Variants in MYH7 observed in about 807,000 individuals in gnomAD.
The protein encoded by MYH7 is myosin heavy chain 7.
MYH7 carries 129 observed loss-of-function variants against 225.4 expected under a neutral mutation model. The observed-to-expected ratio is 0.57, with a 90% confidence interval of 0.50 to 0.66. The LOEUF (loss-of-function observed/expected upper bound fraction) is 0.66, where lower values mean the gene tolerates loss of function less well. MYH7 is among the 30% of genes least tolerant of loss of function. The pLI, the probability that MYH7 is intolerant of heterozygous loss-of-function variation, is 0.00. For synonymous variants in MYH7, 971 were observed against 1,007.6 expected, an observed-to-expected ratio of 0.96 and a Z score of 0.69; for missense variants, 1,649 against 2,517.0, an observed-to-expected ratio of 0.66 and a Z score of 7.38.
intron 22 of MYH7, 93 bp downstream of exon 22, chr14:23,424,676 C>T (rs1892620161): frequency 1.3e-6 from 2 of 1,597,566 alleles, no homozygotes; most frequent in South Asian, 1.1e-5. Context: ...ACTGAAGGAA[C>T]AAGACAGTGA....
chr14:23,413,199 G>A (rs1384916722), intron 39 of MYH7, among the ~76,000 whole-genome samples: 1 of 152,184 alleles, frequency 6.6e-6, no homozygotes, highest in East Asian at 1.9e-4. Context: ...AGCAGTTGGG[G>A]GGAAACTGGG....
At chr14:23,418,430 G>A (rs1444783389) in intron 29 of MYH7, 24 bp from the exon 30 acceptor site, 2 of 1,591,064 alleles carry the variant, frequency 1.3e-6, no homozygotes, top group South Asian at 1.1e-5. Context: ...GGCACCAGGA[G>A]GTGGGTTCAG....
chr14:23,434,234 A>T lies in MYH7; in HGVS notation c.-49T>A. On this transcript the variant is annotated 5_prime_UTR_variant, in exon 2 of 40. Transcript: ENST00000355349. ...GTGTCTACAGATGAGGAAAGGGGCCAAGGCCTGCAGGGGACCTGGAGAGAG... is the reference window on the plus strand; with the variant it reads ...GTGTCTACAGATGAGGAAAGGGGCCTAGGCCTGCAGGGGACCTGGAGAGAG... 9.8e-7 allele frequency: 1 copy of T among 1,016,758 alleles called. No homozygotes were observed. Among genetic ancestry groups the T allele is most frequent in the Middle Eastern group, 5.0e-4 (1 of 1,988 alleles). 63.0% of individuals were successfully genotyped at this position (1,016,758 alleles called of 1,614,324 possible).
intron 6 of MYH7, among the ~76,000 whole-genome samples, 156 bp downstream of exon 6, chr14:23,432,323 G>C (rs1892978520): frequency 6.6e-6 from 1 of 152,188 alleles, no homozygotes; most frequent in Non-Finnish European, 1.5e-5. Context: ...GGAGAGCAAA[G>C]AGAGGGGTCA....
chr14:23,416,359 A>C, intron 33 of MYH7, 47 bp from the exon 34 acceptor site: 3 of 1,589,658 alleles, frequency 1.9e-6, no homozygotes, highest in Non-Finnish European at 2.6e-6. Context: ...GTCAGGGCAC[A>C]GGGCAGGGTG....
chr14:23,416,142 T>C lies in MYH7; in HGVS notation c.4815A>G (p.Thr1605=), dbSNP rs202026847. ...DSLQTSLDAE[T]RSRNEALRVK... ...CCCTCAGGGCCTCGTTGCGGCTGCGTGTCTCTGCGTCCAGGGAGGTCTGCA... is the reference window on the plus strand; with the variant it reads ...CCCTCAGGGCCTCGTTGCGGCTGCGCGTCTCTGCGTCCAGGGAGGTCTGCA... The change falls in exon 34 of 40, where the codon ACA becomes ACG. Residue 1605 remains threonine, a synonymous_variant. Coordinates refer to ENST00000355349, the MANE Select transcript of MYH7 (RefSeq NM_000257.4). 2.5e-6 allele frequency: 4 copies of C among 1,614,066 alleles called. No homozygotes were observed. The South Asian group carries it at 4.4e-5, about 18-fold the overall frequency.
intron 24 of MYH7, among the ~76,000 whole-genome samples, chr14:23,422,779 C>T (rs549368834): frequency 3.9e-5 from 6 of 152,102 alleles, no homozygotes; most frequent in East Asian, 1.9e-4. Context: ...TACAGGCGCA[C>T]GCCACCACAT....
At chr14:23,434,951 CA>C (rs1031728395) in intron 1 of MYH7, among the ~76,000 whole-genome samples, 3 of 152,106 alleles carry the variant, frequency 2.0e-5, no homozygotes, top group African/African-American at 7.2e-5. Context: ...ACCCCAACCC[CA>C]GGGTGCCATA....
At position 23,433,472 on chromosome 14, in the gene MYH7, C is replaced by T; in HGVS notation, c.201+60G>A. 4 of 1,560,580 alleles carry T rather than the reference C, an allele frequency of 2.6e-6. No homozygotes were observed. Among genetic ancestry groups the T allele is most frequent in the Non-Finnish European group, 3.5e-6 (4 of 1,135,950 alleles). Reference sequence around the variant, plus strand: ...GGGCATGGGGCATGGGTGTACCCCTCTCTGTCCACCCAGGTGTACAGGTGG... The same window carrying T: ...GGGCATGGGGCATGGGTGTACCCCTTTCTGTCCACCCAGGTGTACAGGTGG... On this transcript the variant is annotated intron_variant, in intron 3 of 39. Transcript: ENST00000355349. The surrounding 1 kb of genome is among the most constrained non-coding windows in gnomAD (Gnocchi z 4.1).
chr14:23,419,409 T>C, intron 28 of MYH7, 74 bp downstream of exon 28: 1 of 1,611,838 alleles, frequency 6.2e-7, no homozygotes, highest in Non-Finnish European at 8.5e-7. Context: ...TATTGGCTTG[T>C]GCCCGAGGCT....
At chr14:23,422,815 G>A (rs1024912770) in intron 24 of MYH7, among the ~76,000 whole-genome samples, 4 of 152,094 alleles carry the variant, frequency 2.6e-5, no homozygotes, top group African/African-American at 9.7e-5. Context: ...ATTTTTAGTA[G>A]AGATGGGGTT....
intron 25 of MYH7, 84 bp from the exon 26 acceptor site, chr14:23,421,132 C>T (rs909963522): frequency 2.1e-6 from 2 of 964,036 alleles, no homozygotes; most frequent in South Asian, 1.3e-5. Context: ...GGTAATGATA[C>T]AGGTAAAGAG....
rs730880766 is a variant in MYH7 at position 23,422,299 on chromosome 14, C to A, written c.3126G>T (p.Lys1042Asn). 5.6e-6 allele frequency: 9 copies of A among 1,614,208 alleles called. No individual in the cohort carries two copies. Among genetic ancestry groups the A allele is most frequent in the Non-Finnish European group, 5.9e-6 (7 of 1,180,042 alleles). ...CTCGCTCCAGGTCCATGCGCACCTTCTTCTCTTGCTCCAGGGATCCTTCCA... is the reference window on the plus strand; with the variant it reads ...CTCGCTCCAGGTCCATGCGCACCTTATTCTCTTGCTCCAGGGATCCTTCCA... ...DDLEGSLEQE[K>N]KVRMDLERAK... The change falls in exon 25 of 40, where the codon AAG (lysine) becomes AAT (asparagine). Residue 1042 changes from lysine to asparagine, a missense_variant. This residue lies in a region of MYH7 where 282 missense variants were observed against 315.3 expected (regional missense o/e 0.89). Coordinates refer to ENST00000355349, the MANE Select transcript of MYH7 (RefSeq NM_000257.4).
chr14:23,413,918 G>C, intron 38 of MYH7, 25 bp from the exon 39 acceptor site: 1 of 1,614,246 alleles, frequency 6.2e-7, no homozygotes, highest in Non-Finnish European at 8.5e-7. Flanking sequence ...AGCATGAGGT[G>C]AGAGGGGGCC....
In MYH7 at chr14:23,430,778, A is replaced by G. The variant is rs574031393; in HGVS notation, c.896-115T>C. 88 of 1,267,024 alleles carry G rather than the reference A, an allele frequency of 6.9e-5. No homozygotes were observed. The African/African-American group carries it at 1.1e-3, about 16-fold the overall frequency. 78.5% of individuals were successfully genotyped at this position (1,267,024 alleles called of 1,614,324 possible). A position where few individuals can be genotyped will look rare whatever the true frequency, so the allele number is the denominator to read the frequency against. ...AGGACAGGGCTTGGCTTGGCCCCAC[A>G]TCCCACTGAATTGAATCCAGCAGTG... On this transcript the variant is annotated intron_variant, in intron 10 of 39. Coordinates refer to ENST00000355349, the MANE Select transcript of MYH7 (RefSeq NM_000257.4).
intron 26 of MYH7, 23 bp from the exon 27 acceptor site, chr14:23,420,257 G>C: frequency 1.9e-6 from 3 of 1,607,666 alleles, no homozygotes; most frequent in Non-Finnish European, 2.5e-6. Context: ...AAAGGGCTCA[G>C]ACCCACCGCC....
At chr14:23,417,761 T>G (rs1892286557) in intron 30 of MYH7, 75 bp from the exon 31 acceptor site, 2 of 1,560,376 alleles carry the variant, frequency 1.3e-6, no homozygotes, top group African/African-American at 2.7e-5. Context: ...AACATGAACC[T>G]TCTCAAAGAC....
intron 11 of MYH7, 29 bp downstream of exon 11, chr14:23,430,531 A>G: frequency 1.3e-6 from 2 of 1,572,542 alleles, no homozygotes; most frequent in Non-Finnish European, 1.7e-6. Context: ...CAATCCTCCC[A>G]CCCCCTGGCT....
rs558321402 is a variant in MYH7 at position 23,435,405 on chromosome 14, A to G, written c.-65+215T>C. ...ACACACACACACACACACACCCTGT[A>G]ATGCATATTGGTCCCATATGCTCAG... is the stretch of plus-strand genomic sequence containing the variant. On this transcript the variant is annotated intron_variant, in intron 1 of 39. Coordinates refer to ENST00000355349, the MANE Select transcript of MYH7 (RefSeq NM_000257.4). 4.7e-5 allele frequency among the ~76,000 whole-genome samples: 7 copies of G among 149,396 alleles called. No homozygotes were observed. In the South Asian group the frequency reaches 1.1e-3, roughly 22 times the overall value.
Sources: allele counts gnomAD v4.1 joint callset (sites outside exome capture counted in the v4.1 genomes callset), GRCh38; gene constraint gnomAD v4.1.1; regional missense constraint gnomAD v4.1.1; non-coding constraint Gnocchi (gnomAD v3.1); transcripts MANE v1.5; gene names NCBI Gene and HGNC (gene_info 2026-07-23, HGNC 2026-07-21).